RASSF4: variants seen among roughly 807,000 people sequenced by gnomAD.
RASSF4 encodes ras association domain-containing protein 4.
Under a neutral mutation model 41.1 loss-of-function variants are expected in RASSF4, and 38 were observed. The ratio of observed to expected loss-of-function variants is 0.92; its 90% CI spans 0.71 to 1.21. The LOEUF (loss-of-function observed/expected upper bound fraction) is 1.21. Ranked by LOEUF, RASSF4 falls within the 50% of genes most tolerant of loss-of-function variation. The pLI is 0.00. For missense variants in RASSF4, 414 were observed against 419.4 expected (o/e 0.99, Z 0.11); for synonymous variants, 179 against 163.4 (o/e 1.10, Z -0.73).
At chr10:44,984,340 TG>T in intron 5 of RASSF4, 1 of 577,998 alleles carries the variant, frequency 1.7e-6, no homozygotes, top group Non-Finnish European at 3.1e-6. Flanking sequence ...AGTGACAGTG[TG>T]GGGGTGGCCT....
rs1200520032 is a variant in RASSF4 at position 44,994,205 on chromosome 10, C to T, written c.*876C>T. The T allele has an allele frequency of 1.3e-5, 2 of 152,302 alleles. No individual in the cohort carries two copies. The highest frequency in any genetic ancestry group is 4.8e-5 in the African/African-American group (2 of 41,426). 9.4% of individuals were successfully genotyped at this position (152,302 alleles called of 1,614,324 possible). A position where few individuals can be genotyped will look rare whatever the true frequency, so the allele number is the denominator to read the frequency against. ...GACTTTCAATGACTTTCAATACTTC[C>T]CCTGAAGGAAGAATGATAAGGAGAA... On this transcript the variant is annotated 3_prime_UTR_variant, in exon 11 of 11. Coordinates refer to ENST00000340258, the MANE Select transcript of RASSF4 (RefSeq NM_032023.4).
chr10:44,984,123 GCCCGCAAGCTGCCCAGAC>G lies in RASSF4; in HGVS notation c.373+14_373+31del, dbSNP rs1564464017. 6.3e-7 allele frequency: 1 copy of G among 1,587,836 alleles called. No homozygotes were observed. The highest frequency in any genetic ancestry group is 8.6e-7 in the Non-Finnish European group (1 of 1,167,370). On this transcript the variant is annotated intron_variant, in intron 5 of 10. Transcript: ENST00000340258. ...TCCACAGACAGCTCGGGTAAGCGGA[GCCCGCAAGCTGCCCAGAC>G]CCCTGCCTCATCCGGGGTAGGAGCA...
At chr10:44,971,249 A>C in intron 2 of RASSF4, 1 of 338,698 alleles carries the variant, frequency 3.0e-6, no homozygotes, top group Non-Finnish European at 5.9e-6. Flanking sequence ...AAAGTGGCTT[A>C]CTGCAGACTT....
chr10:44,988,461 AC>A (rs367935078), intron 6 of RASSF4, among the ~76,000 whole-genome samples: 17 of 148,692 alleles, frequency 1.1e-4, no homozygotes, highest in African/African-American at 4.2e-4. Flanking sequence ...GTGTCCCCCC[AC>A]CCCCCAGCCA....
intron 3 of RASSF4, among the ~76,000 whole-genome samples, chr10:44,974,061 A>G (rs774366710): frequency 2.0e-5 from 3 of 152,234 alleles, no homozygotes; most frequent in Non-Finnish European, 4.4e-5. Context: ...CAATTACCAC[A>G]TAAGACGAGG....
At chr10:44,992,257 G>A (rs867798058) in intron 10 of RASSF4, among the ~76,000 whole-genome samples, 2 of 152,350 alleles carry the variant, frequency 1.3e-5, no homozygotes, top group South Asian at 4.1e-4. Flanking sequence ...ATCCTCACCA[G>A]CGCAGGCATG....
intron 3 of RASSF4, among the ~76,000 whole-genome samples, chr10:44,973,372 A>G (rs1224277150): frequency 1.3e-5 from 2 of 152,110 alleles, no homozygotes; most frequent in Non-Finnish European, 2.9e-5. Context: ...GGAGAGGGTG[A>G]TGGCACCACA....
chr10:44,962,917 G>A (rs1173748716), intron 1 of RASSF4, among the ~76,000 whole-genome samples: 1 of 152,188 alleles, frequency 6.6e-6, no homozygotes, highest in Non-Finnish European at 1.5e-5. Context: ...TGGGAAGGCT[G>A]GTCTGCGATC....
chr10:44,991,225 C>A (rs1653198668), intron 9 of RASSF4, 156 bp downstream of exon 9: 4 of 570,198 alleles, frequency 7.0e-6, no homozygotes, highest in Non-Finnish European at 1.1e-5. Context: ...AGGGAGGCGC[C>A]AGCCCTCCCT....
intron 9 of RASSF4, chr10:44,991,372 A>G (rs185941671): frequency 1.1e-3 from 315 of 284,218 alleles, no homozygotes; most frequent in African/African-American, 6.1e-3. Flanking sequence ...TCATTATGTG[A>G]GAGACCTATG....
chr10:44,976,386 A>C (rs1447405198), intron 3 of RASSF4: 2 of 152,282 alleles, frequency 1.3e-5, no homozygotes, highest in South Asian at 2.1e-4. Flanking sequence ...AAAAAAAGAG[A>C]ATAACCTAGA....
chr10:44,989,518 T>A lies in RASSF4; in HGVS notation c.633+143T>A. ...AGGGTCCCTCTGCTGAGCTTTGGTT[T>A]CTCGGATTTCAAGCAAGAGGAGGTT... is the stretch of plus-strand genomic sequence containing the variant. On this transcript the variant is annotated intron_variant, in intron 7 of 10. Transcript: ENST00000340258. 7 of 957,916 alleles carry A rather than the reference T, an allele frequency of 7.3e-6. No homozygotes were observed. In the South Asian group the frequency reaches 8.2e-5, roughly 11 times the overall value. 59.3% of individuals were successfully genotyped at this position (957,916 alleles called of 1,614,324 possible).
chr10:44,990,901 G>A, intron 8 of RASSF4, 47 bp from the exon 9 acceptor site: 1 of 1,594,566 alleles, frequency 6.3e-7, no homozygotes. Flanking sequence ...AACAGACAGA[G>A]GTGATCCTAA....
At chr10:44,980,441 G>A (rs1841659023) in intron 3 of RASSF4, among the ~76,000 whole-genome samples, 2 of 152,192 alleles carry the variant, frequency 1.3e-5, no homozygotes, top group African/African-American at 2.4e-5. Context: ...CGGCCAAGCT[G>A]GGGGAGGGTG....
At chr10:44,973,610 G>T (rs906294620) in intron 3 of RASSF4, among the ~76,000 whole-genome samples, 4 of 152,204 alleles carry the variant, frequency 2.6e-5, no homozygotes, top group African/African-American at 7.2e-5. Context: ...TAGTCTTCCC[G>T]TCCAAGTTTT....
In RASSF4 at chr10:44,971,793, T is replaced by C; in HGVS notation, c.83T>C (p.Leu28Pro). 1 of 1,613,984 alleles carries C rather than the reference T, an allele frequency of 6.2e-7. No homozygotes were observed. The highest frequency in any genetic ancestry group is 8.5e-7 in the Non-Finnish European group (1 of 1,179,870). The change falls in exon 3 of 11, where the codon CTG becomes CCG. Residue 28 changes from leucine to proline, a missense_variant. By Grantham distance (98) the Leu-to-Pro change is moderately conservative. Transcript: ENST00000340258. ...TTTAGGTCGGAGCTCTTAGGCCTGC[T>C]GAAAACCTACAACTGCTACCATGAG... ...SIQKSELLGL[L>P]KTYNCYHEGK...
At chr10:44,971,584 A>G in intron 2 of RASSF4, 189 bp from the exon 3 acceptor site, 1 of 691,892 alleles carries the variant, frequency 1.4e-6, no homozygotes, top group Non-Finnish European at 2.7e-6. Context: ...GCCCCCCACC[A>G]GGGCCATGTG....
intron 1 of RASSF4, among the ~76,000 whole-genome samples, chr10:44,965,253 G>T (rs1018581595): frequency 3.3e-5 from 5 of 152,218 alleles, no homozygotes; most frequent in African/African-American, 1.2e-4. Context: ...GGAAGGAGGA[G>T]AGGCTTGGCT....
At chr10:44,963,943 C>T (rs1485864546) in intron 1 of RASSF4, among the ~76,000 whole-genome samples, 2 of 152,230 alleles carry the variant, frequency 1.3e-5, no homozygotes, top group Admixed American at 6.5e-5. Flanking sequence ...CAAGTGGACT[C>T]AATTTCGTGT....
Sources: gnomAD v4.1 joint callset for allele counts (sites outside exome capture counted in the v4.1 genomes callset) on GRCh38, gnomAD v4.1.1 for gene constraint, MANE v1.5 for transcripts, NCBI Gene and HGNC (gene_info 2026-07-23, HGNC 2026-07-21) for gene names.